Variants in PCDHA12 observed in about 807,000 individuals in gnomAD.
The protein encoded by PCDHA12 is protocadherin alpha-12.
PCDHA12 carries 44 observed loss-of-function variants against 60.0 expected under a neutral mutation model. That is an observed-to-expected ratio of 0.73 (90% CI 0.58 to 0.94). The LOEUF is 0.94. Ranked by LOEUF, PCDHA12 falls within the 40% of genes least tolerant of loss-of-function variation. The pLI is 0.00. For synonymous variants in PCDHA12, 569 were observed against 553.0 expected (o/e 1.03, Z -0.40); for missense variants, 1,276 against 1,239.7 (o/e 1.03, Z -0.44).
chr5:140,998,646 C>A (rs1413467899), intron 3 of PCDHA12, among the ~76,000 whole-genome samples: 1 of 151,870 alleles, frequency 6.6e-6, no homozygotes, highest in Non-Finnish European at 1.5e-5. Context: ...CTCACTGCAA[C>A]CTCTGCCTCC....
In PCDHA12 at chr5:140,877,737, G is replaced by A; in HGVS notation, c.2265G>A (p.Arg755=). The change falls in exon 1 of 4, where the codon AGG becomes AGA. Residue 755 remains arginine, a synonymous_variant. Coordinates refer to ENST00000398631, the MANE Select transcript of PCDHA12 (RefSeq NM_018903.4). ...GTTGGTCTTACTCGCAGCAGAGGAG[G>A]CAGAGGGTGTGCTCTGCAGAGAGCC... ...VGSWSYSQQR[R]QRVCSAESPP... 3.7e-6 allele frequency: 6 copies of A among 1,614,176 alleles called. No individual in the cohort carries two copies. The highest frequency in any genetic ancestry group is 5.1e-6 in the Non-Finnish European group (6 of 1,180,030).
In PCDHA12 at chr5:140,876,046, C is replaced by T. The variant is rs781957967; in HGVS notation, c.574C>T (p.Pro192Ser). 1.5e-5 allele frequency: 24 copies of T among 1,613,720 alleles called. No individual in the cohort carries two copies. The Admixed American group carries it at 1.7e-4, about 11-fold the overall frequency. Reference sequence around the variant, plus strand: ...AACAAAAAAAGATAAAAGTATATTGCCTGAATTAGTTCTTCGGAAGTTATT... The same window carrying T: ...AACAAAAAAAGATAAAAGTATATTGTCTGAATTAGTTCTTCGGAAGTTATT... The part of the protein sequence containing the change: ...IKTKKDKSIL[P>S]ELVLRKLLDR... Residue 192 changes from proline to serine, a missense_variant, in exon 1 of 4, where the codon CCT (proline) becomes TCT (serine). Transcript: ENST00000398631.
At chr5:140,925,219 AG>A (rs1324328907) in intron 1 of PCDHA12, among the ~76,000 whole-genome samples, 1 of 152,238 alleles carries the variant, frequency 6.6e-6, no homozygotes, top group Admixed American at 6.5e-5. Context: ...ACTTTTAGGC[AG>A]GTTTCTACCA....
At chr5:140,892,363 G>T (rs1485881453) in intron 1 of PCDHA12, among the ~76,000 whole-genome samples, 1 of 152,120 alleles carries the variant, frequency 6.6e-6, no homozygotes, top group African/African-American at 2.4e-5. Context: ...CAGGCATCTT[G>T]GGGCACTAGC....
rs1299292999 is a variant in PCDHA12, at chr5:140,940,635, T to G, written c.2368-38314T>G. Among the ~76,000 whole-genome samples the G allele has an allele frequency of 5.3e-5, 8 of 152,214 alleles. 1 individual carries two copies. The highest frequency in any genetic ancestry group is 5.2e-4 in the Admixed American group (8 of 15,286). On this transcript the variant is annotated intron_variant, in intron 1 of 3. Coordinates refer to ENST00000398631, the MANE Select transcript of PCDHA12 (RefSeq NM_018903.4). ...GCTCCTGCAAATATTCTTAAGCTTG[T>G]CATTTATTTATTTAAATATATTAAA...
intron 1 of PCDHA12, among the ~76,000 whole-genome samples, chr5:140,896,282 A>G (rs1326876303): frequency 2.0e-5 from 3 of 152,224 alleles, no homozygotes; most frequent in Non-Finnish European, 4.4e-5. Context: ...GCTGGCTTGA[A>G]TGGTAAGTTC....
intron 1 of PCDHA12, chr5:140,883,607 G>A (rs782736793): frequency 6.2e-7 from 1 of 1,613,968 alleles, no homozygotes; most frequent in Non-Finnish European, 8.5e-7. Context: ...GGGGGTGGCC[G>A]ACGTGAACGA....
At chr5:140,983,997 G>A (rs1191316440) in intron 3 of PCDHA12, among the ~76,000 whole-genome samples, 1 of 152,194 alleles carries the variant, frequency 6.6e-6, no homozygotes, top group Non-Finnish European at 1.5e-5. Context: ...CAATTCATTA[G>A]AGAGCTAATA....
intron 1 of PCDHA12, among the ~76,000 whole-genome samples, chr5:140,906,546 G>A (rs1261080393): frequency 2.0e-5 from 3 of 152,222 alleles, no homozygotes; most frequent in Non-Finnish European, 4.4e-5. Context: ...CCTCATTTCT[G>A]CAACTGGTTG....
At chr5:140,982,628 G>A (rs2096992254) in intron 3 of PCDHA12, 65 bp downstream of exon 3, 1 of 1,578,000 alleles carries the variant, frequency 6.3e-7, no homozygotes, top group African/African-American at 1.4e-5. Flanking sequence ...ACCTACTTTT[G>A]TAAGATCAGG....
At position 140,929,057 on chromosome 5, in the gene PCDHA12, C is replaced by G. The variant is rs17844370; in HGVS notation, c.2368-49892C>G. The stretch of plus-strand genomic sequence containing the variant: ...TGCGCTCAGAGCTGCTGTCGCTCTA[C>G]AGAGGATCTGAGGTATGGAAGTAAG... On this transcript the variant is annotated intron_variant, in intron 1 of 3. Coordinates refer to ENST00000398631, the MANE Select transcript of PCDHA12 (RefSeq NM_018903.4). 3 of 1,614,070 alleles carry G rather than the reference C, an allele frequency of 1.9e-6. No individual in the cohort carries two copies. The African/African-American group carries it at 4.0e-5, about 22-fold the overall frequency.
At chr5:140,936,527 T>G (rs533687361) in intron 1 of PCDHA12, among the ~76,000 whole-genome samples, 3 of 152,368 alleles carry the variant, frequency 2.0e-5, no homozygotes, top group African/African-American at 7.2e-5. Context: ...CTGAAATTGC[T>G]TTTGAATATA....
chr5:140,932,474 A>G (rs1444534569), intron 1 of PCDHA12, among the ~76,000 whole-genome samples: 1 of 151,904 alleles, frequency 6.6e-6, no homozygotes, highest in African/African-American at 2.4e-5. Context: ...AGGAAATAGG[A>G]TATCTCCTCT....
intron 1 of PCDHA12, among the ~76,000 whole-genome samples, chr5:140,898,262 C>G (rs2066619852): frequency 6.6e-6 from 1 of 152,130 alleles, no homozygotes; most frequent in Admixed American, 6.5e-5. Context: ...GAAGTCCTTG[C>G]CCATGCCTAA....
intron 2 of PCDHA12, among the ~76,000 whole-genome samples, chr5:140,980,152 C>G (rs1554241475): frequency 6.6e-6 from 1 of 152,040 alleles, no homozygotes; most frequent in African/African-American, 2.4e-5. Context: ...CATGCATATA[C>G]CAGAATATTA....
At chr5:140,892,673 T>C (rs1554185319) in intron 1 of PCDHA12, among the ~76,000 whole-genome samples, 1 of 152,262 alleles carries the variant, frequency 6.6e-6, no homozygotes, top group East Asian at 1.9e-4. Flanking sequence ...TTGATACATA[T>C]ATACAATGTA....
chr5:140,969,076 T>C, intron 1 of PCDHA12: 2 of 1,614,162 alleles, frequency 1.2e-6, no homozygotes, highest in South Asian at 2.2e-5. Flanking sequence ...GGATACCGCA[T>C]GGCCTCAAAG....
intron 1 of PCDHA12, among the ~76,000 whole-genome samples, chr5:140,924,739 ACAAAAATTAACCGAG>A (rs2081980485): frequency 6.6e-6 from 1 of 151,884 alleles, no homozygotes; most frequent in Non-Finnish European, 1.5e-5. Flanking sequence ...TAATAAAAAT[ACAAAAATTAACCGAG>A]CATGGTGGTG....
chr5:140,996,232 T>C (rs1054290986), intron 3 of PCDHA12, among the ~76,000 whole-genome samples: 13 of 152,302 alleles, frequency 8.5e-5, no homozygotes, highest in South Asian at 4.1e-4. Flanking sequence ...AAATGGTTGC[T>C]CAAGGCTGAG....
Sources: allele counts gnomAD v4.1 joint callset (sites outside exome capture counted in the v4.1 genomes callset), GRCh38; gene constraint gnomAD v4.1.1; transcripts MANE v1.5; gene names NCBI Gene and HGNC (gene_info 2026-07-23, HGNC 2026-07-21).